STPG2: variants seen among roughly 807,000 people sequenced by gnomAD.
The protein encoded by STPG2 is sperm-tail PG-rich repeat-containing protein 2.
A neutral mutation model predicts 54.2 loss-of-function variants in STPG2; 56 were observed. The observed-to-expected ratio is 1.03, with a 90% CI of 0.83 to 1.29. The LOEUF (loss-of-function observed/expected upper bound fraction) is 1.29. STPG2 is among the 50% of genes most tolerant of loss of function. STPG2 has a pLI of 0.00. For missense variants in STPG2, 596 were observed against 544.9 expected (o/e 1.09, Z -0.93); for synonymous variants, 200 against 181.8 (o/e 1.10, Z -0.81).
At position 97,819,524 on chromosome 4, in the gene STPG2, C is replaced by G. The variant is rs116533980; in HGVS notation, c.1204+21249G>C. ...TTCATGAGTAATGATCTACTCATTA[C>G]TGAGTAAAGTAAGTCTCAGTACCTG... is the stretch of plus-strand genomic sequence containing the variant. On this transcript the variant is annotated intron_variant, in intron 9 of 10. Coordinates refer to ENST00000295268, the MANE Select transcript of STPG2 (RefSeq NM_174952.3). 9.1e-3 allele frequency among the ~76,000 whole-genome samples: 1,391 copies of G among 152,128 alleles called. 21 individuals are homozygous for G. The highest frequency in any genetic ancestry group is 0.031 in the African/African-American group (1,291 of 41,526).
intron 9 of STPG2, among the ~76,000 whole-genome samples, chr4:97,743,206 T>A (rs1211302616): frequency 6.6e-6 from 1 of 151,736 alleles, no homozygotes; most frequent in African/African-American, 2.4e-5. Context: ...TTGGTTGTAC[T>A]GTGAACAAGT....
chr4:98,065,734 TC>T (rs1449243512), intron 5 of STPG2, among the ~76,000 whole-genome samples: 1 of 152,110 alleles, frequency 6.6e-6, no homozygotes, highest in Non-Finnish European at 1.5e-5. Flanking sequence ...CAGAAGAGGT[TC>T]CCAGAAGTGA....
chr4:97,899,043 CA>C (rs1731067910), intron 8 of STPG2, among the ~76,000 whole-genome samples: 1 of 151,776 alleles, frequency 6.6e-6, no homozygotes, highest in East Asian at 1.9e-4. Context: ...TCTCTGTTTG[CA>C]AATTACATGA....
chr4:97,881,800 C>T (rs1057093621), intron 8 of STPG2, among the ~76,000 whole-genome samples: 1 of 152,088 alleles, frequency 6.6e-6, no homozygotes, highest in Non-Finnish European at 1.5e-5. Context: ...AAACAATATC[C>T]TAATAGTACT....
intron 8 of STPG2, among the ~76,000 whole-genome samples, chr4:97,897,730 C>T (rs1578665835): frequency 6.6e-6 from 1 of 152,020 alleles, no homozygotes. Flanking sequence ...TGTTCACATC[C>T]TTTGTCTATT....
chr4:98,050,446 TTTTAAAAAAAA>T (rs1369866318), intron 5 of STPG2, among the ~76,000 whole-genome samples: 2 of 134,878 alleles, frequency 1.5e-5, no homozygotes, highest in Admixed American at 1.5e-4. Flanking sequence ...GTTTTTTATT[TTTTAAAAAAAA>T]GGGGGTTCTG....
At chr4:97,554,391 A>G (rs1160799265), downstream of STPG2, among the ~76,000 whole-genome samples, 1 of 152,140 alleles carries the variant, frequency 6.6e-6, no homozygotes, top group African/African-American at 2.4e-5. Flanking sequence ...TCTCTGAGAG[A>G]GGCTGGAAAA....
At chr4:98,018,902 T>C (rs1314656390) in intron 5 of STPG2, among the ~76,000 whole-genome samples, 1 of 152,018 alleles carries the variant, frequency 6.6e-6, no homozygotes, top group East Asian at 1.9e-4. Flanking sequence ...GAGTTCATTG[T>C]AGATTCTGCA....
At chr4:97,549,630 G>A (rs58635658) in intron 4 of STPG2, among the ~76,000 whole-genome samples, 10,849 of 152,168 alleles carry the variant, frequency 0.071, 1,107 homozygotes, top group African/African-American at 0.23. Flanking sequence ...AAGAAATGAC[G>A]CTTGATTAGG....
intron 9 of STPG2, among the ~76,000 whole-genome samples, chr4:97,821,781 C>T (rs1728099023): frequency 6.6e-6 from 1 of 152,184 alleles, no homozygotes; most frequent in Non-Finnish European, 1.5e-5. Context: ...ATACCTGAGG[C>T]CCTATGAGCT....
At chr4:98,139,008 A>G (rs933061052) in intron 1 of STPG2, among the ~76,000 whole-genome samples, 1 of 152,178 alleles carries the variant, frequency 6.6e-6, no homozygotes, top group African/African-American at 2.4e-5. Flanking sequence ...ACATTATACT[A>G]GGCTGGTTGT....
chr4:97,791,460 C>T (rs1578567057), intron 9 of STPG2, among the ~76,000 whole-genome samples: 1 of 152,098 alleles, frequency 6.6e-6, no homozygotes, highest in East Asian at 1.9e-4. Context: ...TTCTGCCTAG[C>T]ACTAAATGAA....
At chr4:97,534,405 C>A (rs28871717) in intron 4 of STPG2, among the ~76,000 whole-genome samples, 151,309 of 152,224 alleles carry the variant, frequency 0.99, 75,201 homozygotes, top group Middle Eastern at 1. Flanking sequence ...TATACTGTTA[C>A]CTTTTACATT....
intron 8 of STPG2, among the ~76,000 whole-genome samples, chr4:97,899,800 T>A (rs1472056880): frequency 1.3e-5 from 2 of 151,816 alleles, no homozygotes; most frequent in Non-Finnish European, 2.9e-5. Context: ...CCCTTCCTTA[T>A]ACCATATACA....
intron 4 of STPG2, among the ~76,000 whole-genome samples, chr4:97,476,028 A>T (rs936612289): frequency 6.6e-6 from 1 of 152,134 alleles, no homozygotes; most frequent in East Asian, 1.9e-4. Context: ...AATATTGTCC[A>T]TCTCTCTCAT....
chr4:98,039,524 A>G (rs2149305951), intron 5 of STPG2, among the ~76,000 whole-genome samples: 1 of 151,114 alleles, frequency 6.6e-6, no homozygotes, highest in Non-Finnish European at 1.5e-5. Context: ...TTTTGTGTAA[A>G]TATGTATACA....
At chr4:97,989,591 C>T (rs1734946906) in intron 5 of STPG2, among the ~76,000 whole-genome samples, 1 of 152,142 alleles carries the variant, frequency 6.6e-6, no homozygotes, top group African/African-American at 2.4e-5. Context: ...ATCTTAGCAA[C>T]CTCAACATAT....
Position 97,548,632 on chromosome 4 carries a change from T to C in STPG2, c.462+164067A>G, listed in dbSNP as rs564272969. Among the ~76,000 whole-genome samples, 5 of 152,328 alleles carry C rather than the reference T, an allele frequency of 3.3e-5. No individual in the cohort carries two copies. The East Asian group carries it at 9.6e-4, about 29-fold the overall frequency. ...TTTATTTGGAGTCTATATTTTAAAT[T>C]GATTTAGTTCTTGAATTCTTTTCTT... On this transcript the variant is annotated intron_variant, in intron 4 of 4. Coordinates refer to the STPG2 transcript ENST00000522676.
intron 9 of STPG2, among the ~76,000 whole-genome samples, chr4:97,741,989 A>C (rs1367990341): frequency 1.3e-5 from 2 of 152,146 alleles, no homozygotes. Flanking sequence ...GATAGACTGG[A>C]TTAAGAAAAT....
Sources: gnomAD v4.1 joint callset for allele counts (sites outside exome capture counted in the v4.1 genomes callset) on GRCh38, gnomAD v4.1.1 for gene constraint, MANE v1.5 for transcripts, NCBI Gene and HGNC (gene_info 2026-07-23, HGNC 2026-07-21) for gene names.